PCDH9: variants seen among roughly 807,000 people sequenced by gnomAD.
PCDH9 encodes the protein protocadherin 9, also known as protocadherin-9.
PCDH9 carries 24 observed loss-of-function variants against 70.6 expected under a neutral mutation model. The ratio of observed to expected loss-of-function variants is 0.34; its 90% confidence interval spans 0.25 to 0.48. The LOEUF (loss-of-function observed/expected upper bound fraction) is 0.48. PCDH9 is among the 20% of genes least tolerant of loss of function. The pLI, the probability that PCDH9 is intolerant of heterozygous loss-of-function variation, is 0.99. For synonymous variants in PCDH9, 562 were observed against 558.5 expected (o/e 1.01, Z -0.09); for missense variants, 1,281 against 1,503.6 (o/e 0.85, Z 2.45).
At chr13:67,047,961 GATTA>G (rs2085254239) in intron 2 of PCDH9, among the ~76,000 whole-genome samples, 1 of 152,042 alleles carries the variant, frequency 6.6e-6, no homozygotes, top group Non-Finnish European at 1.5e-5. Context: ...AATTTAGGGG[GATTA>G]ATTACTTAAG....
chr13:67,175,674 G>A (rs971115478), intron 2 of PCDH9, among the ~76,000 whole-genome samples: 5 of 152,064 alleles, frequency 3.3e-5, no homozygotes, highest in Non-Finnish European at 5.9e-5. Context: ...TTTTCCCTTA[G>A]GATGAGAAAG....
At chr13:66,994,245 A>G (rs529746433) in intron 2 of PCDH9, among the ~76,000 whole-genome samples, 2 of 152,250 alleles carry the variant, frequency 1.3e-5, no homozygotes, top group South Asian at 2.1e-4. Flanking sequence ...GAATGCAAAA[A>G]AGAAACCAAG....
chr13:66,564,770 A>G (rs182103789), intron 4 of PCDH9, among the ~76,000 whole-genome samples: 56 of 152,236 alleles, frequency 3.7e-4, no homozygotes, highest in African/African-American at 1.3e-3. Flanking sequence ...ATAGGGAGTT[A>G]TCTCCCAAAA....
chr13:67,130,101 G>A (rs900964089), intron 2 of PCDH9, among the ~76,000 whole-genome samples: 2 of 152,028 alleles, frequency 1.3e-5, no homozygotes, highest in African/African-American at 2.4e-5. Flanking sequence ...GCTTTATAAT[G>A]TAGAAAATTA....
At chr13:67,121,859 G>C (rs1459992710) in intron 2 of PCDH9, among the ~76,000 whole-genome samples, 1 of 152,052 alleles carries the variant, frequency 6.6e-6, no homozygotes, top group Admixed American at 6.5e-5. Context: ...TCTTCAGCTA[G>C]CTCTAGATTT....
chr13:66,870,198 G>A (rs906686330), intron 3 of PCDH9, among the ~76,000 whole-genome samples: 1 of 152,054 alleles, frequency 6.6e-6, no homozygotes, highest in African/African-American at 2.4e-5. Context: ...CCCATTGCTT[G>A]TTTTTCTCAG....
intron 3 of PCDH9, among the ~76,000 whole-genome samples, chr13:66,664,457 A>G (rs1385675111): frequency 2.0e-5 from 3 of 151,708 alleles, no homozygotes; most frequent in African/African-American, 7.3e-5. Flanking sequence ...TTTTTTTTAA[A>G]CAAAGATTCA....
At chr13:67,177,716 A>G (rs1273525882) in intron 2 of PCDH9, among the ~76,000 whole-genome samples, 1 of 152,110 alleles carries the variant, frequency 6.6e-6, no homozygotes, top group Non-Finnish European at 1.5e-5. Flanking sequence ...ATTTGTTACC[A>G]GTTACCACTG....
At chr13:66,374,183 A>T (rs1195001480) in intron 4 of PCDH9, among the ~76,000 whole-genome samples, 2 of 152,038 alleles carry the variant, frequency 1.3e-5, no homozygotes, top group Non-Finnish European at 2.9e-5. Flanking sequence ...GAACTCACTT[A>T]CCAGGTCTGT....
chr13:66,910,909 T>A (rs932896589), intron 2 of PCDH9, among the ~76,000 whole-genome samples: 1 of 152,180 alleles, frequency 6.6e-6, no homozygotes, highest in African/African-American at 2.4e-5. Flanking sequence ...TTCCATTGAG[T>A]TTCTGTCTAT....
At chr13:66,622,164 C>T (rs372462047) in intron 4 of PCDH9, among the ~76,000 whole-genome samples, 7 of 152,368 alleles carry the variant, frequency 4.6e-5, no homozygotes, top group African/African-American at 9.6e-5. Flanking sequence ...GATTTGTCAC[C>T]GGGCCTTGGC....
At chr13:66,836,677 T>G (rs1180640374) in intron 3 of PCDH9, among the ~76,000 whole-genome samples, 1 of 152,198 alleles carries the variant, frequency 6.6e-6, no homozygotes, top group African/African-American at 2.4e-5. Flanking sequence ...TTTGCTATAT[T>G]GTTGTCTAGA....
At chr13:67,145,285 A>G (rs2087494807) in intron 2 of PCDH9, among the ~76,000 whole-genome samples, 1 of 152,090 alleles carries the variant, frequency 6.6e-6, no homozygotes, top group African/African-American at 2.4e-5. Flanking sequence ...TTTAGTCTGA[A>G]CAAGATGCTT....
chr13:66,603,799 T>C (rs2077190781), intron 4 of PCDH9, among the ~76,000 whole-genome samples: 1 of 152,014 alleles, frequency 6.6e-6, no homozygotes, highest in South Asian at 2.1e-4. Flanking sequence ...ATTAAGACTT[T>C]GTTATGTAAT....
At chr13:66,617,283 C>T (rs1052723095) in intron 4 of PCDH9, among the ~76,000 whole-genome samples, 3 of 152,166 alleles carry the variant, frequency 2.0e-5, no homozygotes, top group African/African-American at 7.2e-5. Context: ...TTCCCTGTCT[C>T]CCTCACATAC....
chr13:66,871,861 C>T (rs533078366), intron 3 of PCDH9, among the ~76,000 whole-genome samples: 1 of 152,016 alleles, frequency 6.6e-6, no homozygotes, highest in East Asian at 1.9e-4. Context: ...TTCTCTTTGT[C>T]TGAAACATAC....
intron 4 of PCDH9, among the ~76,000 whole-genome samples, chr13:66,395,034 T>C (rs1453385650): frequency 6.6e-6 from 1 of 152,188 alleles, no homozygotes; most frequent in Admixed American, 6.5e-5. Flanking sequence ...ACAATACTGG[T>C]CATATACAAT....
At chr13:66,700,037 A>G (rs2139103927) in intron 3 of PCDH9, among the ~76,000 whole-genome samples, 1 of 152,132 alleles carries the variant, frequency 6.6e-6, no homozygotes, top group South Asian at 2.1e-4. Flanking sequence ...TAATTTAGAG[A>G]CCTCAGAAAT....
intron 2 of PCDH9, among the ~76,000 whole-genome samples, chr13:66,998,579 A>T (rs2084170759): frequency 6.6e-6 from 1 of 152,192 alleles, no homozygotes; most frequent in South Asian, 2.1e-4. Context: ...AGTTGGTGAA[A>T]GAAACAAAGT....
Sources: allele counts gnomAD v4.1 joint callset (sites outside exome capture counted in the v4.1 genomes callset), GRCh38; gene constraint gnomAD v4.1.1; transcripts MANE v1.5; gene names NCBI Gene and HGNC (gene_info 2026-07-23, HGNC 2026-07-21).